Variants in CHRM3 observed in about 807,000 individuals in gnomAD.
The protein encoded by CHRM3 is cholinergic receptor muscarinic 3.
A neutral mutation model predicts 41.8 loss-of-function variants in CHRM3; 11 were observed. The ratio of observed to expected loss-of-function variants is 0.26; its 90% CI spans 0.17 to 0.44. CHRM3 has a LOEUF of 0.44. Among genes scored for constraint, CHRM3 ranks in the 20% least tolerant of loss-of-function variants. The pLI is 1.00. For missense variants in CHRM3, 571 were observed against 745.4 expected, an observed-to-expected ratio of 0.77 and a Z score of 2.72; for synonymous variants, 297 against 301.4, an observed-to-expected ratio of 0.99 and a Z score of 0.15.
intron 1 of CHRM3, among the ~76,000 whole-genome samples, chr1:239,472,761 A>G (rs1367779633): frequency 6.6e-6 from 1 of 152,146 alleles, no homozygotes; most frequent in Non-Finnish European, 1.5e-5. Flanking sequence ...AGTAAGAAAA[A>G]TAGCTAATGC....
At chr1:239,435,037 C>T (rs1283391373) in intron 1 of CHRM3, among the ~76,000 whole-genome samples, 1 of 152,150 alleles carries the variant, frequency 6.6e-6, no homozygotes, top group Non-Finnish European at 1.5e-5. Flanking sequence ...TTCCCAGTTC[C>T]TTTCTATTAA....
At chr1:239,527,474 T>C (rs1461696184) in intron 2 of CHRM3, among the ~76,000 whole-genome samples, 3 of 152,218 alleles carry the variant, frequency 2.0e-5, no homozygotes, top group African/African-American at 7.2e-5. Flanking sequence ...CAAGCACTGC[T>C]GACCAACTGA....
Position 239,725,561 on chromosome 1 carries a change from C to G in CHRM3, c.-147+47273C>G, listed in dbSNP as rs192348036. Among the ~76,000 whole-genome samples the G allele has an allele frequency of 2.0e-4, 31 of 151,966 alleles. 1 individual carries two copies. In the East Asian group the frequency reaches 4.1e-3, roughly 20 times the overall value. ...GCCTCATTTATTAGATTTTAAACTG[C>G]TTGACAGGAGAGAGACTGTCTGACA... On this transcript the variant is annotated intron_variant, in intron 5 of 6. Coordinates refer to ENST00000676153, the MANE Select transcript of CHRM3 (RefSeq NM_001375978.1).
chr1:239,771,507 A>G (rs748889589), intron 5 of CHRM3, among the ~76,000 whole-genome samples: 1 of 152,362 alleles, frequency 6.6e-6, no homozygotes, highest in Middle Eastern at 3.4e-3. Flanking sequence ...ACAAAGATGT[A>G]TCAGGTTATT....
At chr1:239,735,300 G>A (rs944769135) in intron 5 of CHRM3, among the ~76,000 whole-genome samples, 2 of 152,128 alleles carry the variant, frequency 1.3e-5, no homozygotes, top group Admixed American at 1.3e-4. Context: ...GGTATTCAGA[G>A]CACATTGCCT....
chr1:239,642,199 T>C (rs1368030109), intron 4 of CHRM3, among the ~76,000 whole-genome samples: 1 of 147,394 alleles, frequency 6.8e-6, no homozygotes, highest in African/African-American at 2.5e-5. Context: ...GCCCTTAACA[T>C]TTTTTCCTTC....
intron 5 of CHRM3, among the ~76,000 whole-genome samples, chr1:239,681,760 G>A (rs554281099): frequency 6.6e-6 from 1 of 152,260 alleles, no homozygotes; most frequent in African/African-American, 2.4e-5. Context: ...TTAGCCTGGT[G>A]TGGTGGTGCA....
At position 239,914,358 on chromosome 1, in the gene CHRM3, T is replaced by C. The variant is rs1486781444; in HGVS notation, c.*5134T>C. On this transcript the variant is annotated 3_prime_UTR_variant, in exon 7 of 7. Transcript: ENST00000676153. ...ATATCTAATAACCTCCTTATTAATATAACAAATATTATCAACATTCTGTGC... is the reference window on the plus strand; with the variant it reads ...ATATCTAATAACCTCCTTATTAATACAACAAATATTATCAACATTCTGTGC... 1 of 167,114 alleles carries C rather than the reference T, an allele frequency of 6.0e-6. No individual in the cohort carries two copies. Among genetic ancestry groups the C allele is most frequent in the Non-Finnish European group, 1.5e-5 (1 of 68,128 alleles). 10.4% of individuals were successfully genotyped at this position (167,114 alleles called of 1,614,324 possible).
chr1:239,848,494 TGTGAA>T (rs1365493025), intron 6 of CHRM3, among the ~76,000 whole-genome samples: 1 of 152,180 alleles, frequency 6.6e-6, no homozygotes, highest in Non-Finnish European at 1.5e-5. Context: ...TGCTTAGTAT[TGTGAA>T]GTGATCTATA....
intron 1 of CHRM3, among the ~76,000 whole-genome samples, chr1:239,410,367 T>TTA (rs1660970158): frequency 2.6e-5 from 4 of 152,156 alleles, no homozygotes; most frequent in African/African-American, 9.7e-5. Flanking sequence ...TACATATACT[T>TTA]TATATATATA....
intron 6 of CHRM3, among the ~76,000 whole-genome samples, chr1:239,864,595 T>C (rs1675935527): frequency 6.6e-6 from 1 of 151,538 alleles, no homozygotes; most frequent in Non-Finnish European, 1.5e-5. Context: ...TGTATAGAAA[T>C]TTAACATTTT....
Position 239,632,269 on chromosome 1 carries a change from C to T in CHRM3, c.-267C>T, listed in dbSNP as rs1345622470. ...GCCAAATAAATGACAGTCAGAACTT[C>T]AGCTAAGGTACAATAAGGTAAGATC... On this transcript the variant is annotated 5_prime_UTR_variant, in exon 4 of 7. Transcript: ENST00000676153. 1 of 152,156 alleles carries T rather than the reference C, an allele frequency of 6.6e-6. No individual in the cohort carries two copies. 9.4% of individuals were successfully genotyped at this position (152,156 alleles called of 1,614,324 possible). A position where few individuals can be genotyped will look rare whatever the true frequency, so the allele number is the denominator to read the frequency against.
At chr1:239,494,348 G>C (rs1268116847) in intron 2 of CHRM3, among the ~76,000 whole-genome samples, 1 of 151,962 alleles carries the variant, frequency 6.6e-6, no homozygotes, top group East Asian at 1.9e-4. Flanking sequence ...TCCTGTTTTG[G>C]TCAGCAGGGT....
At chr1:239,461,960 C>T (rs937768321) in intron 1 of CHRM3, among the ~76,000 whole-genome samples, 51 of 152,230 alleles carry the variant, frequency 3.4e-4, no homozygotes, top group African/African-American at 1.2e-3. Context: ...AAAAAATGAC[C>T]GTCCAATGGC....
chr1:239,844,894 G>C (rs538484721), intron 6 of CHRM3, among the ~76,000 whole-genome samples: 8 of 152,196 alleles, frequency 5.3e-5, no homozygotes, highest in Non-Finnish European at 8.8e-5. Flanking sequence ...AAGTAGAGGG[G>C]TGGAGGAGAA....
intron 6 of CHRM3, among the ~76,000 whole-genome samples, chr1:239,855,083 A>G (rs1391709206): frequency 1.3e-5 from 2 of 152,098 alleles, no homozygotes; most frequent in African/African-American, 4.8e-5. Flanking sequence ...GGTTTTATTG[A>G]TCTACATGCA....
At chr1:239,770,568 G>A (rs1410625413) in intron 5 of CHRM3, among the ~76,000 whole-genome samples, 4 of 152,112 alleles carry the variant, frequency 2.6e-5, no homozygotes, top group Non-Finnish European at 5.9e-5. Context: ...CCTTAGCCAC[G>A]TAGTCTGCAG....
intron 6 of CHRM3, among the ~76,000 whole-genome samples, chr1:239,878,034 G>A (rs1677259357): frequency 6.6e-6 from 1 of 151,836 alleles, no homozygotes; most frequent in Admixed American, 6.6e-5. Flanking sequence ...GGGACTACAG[G>A]TGCGTGCCAC....
intron 5 of CHRM3, chr1:239,706,917 G>A (rs141585062): frequency 1.3e-5 from 2 of 152,286 alleles, no homozygotes; most frequent in African/African-American, 4.8e-5. Context: ...ACAAAAAACT[G>A]GATTTATCAT....
Sources: allele counts gnomAD v4.1 joint callset (sites outside exome capture counted in the v4.1 genomes callset), GRCh38; gene constraint gnomAD v4.1.1; transcripts MANE v1.5; gene names NCBI Gene and HGNC (gene_info 2026-07-23, HGNC 2026-07-21).